PALM2AKAP2: variants seen among roughly 807,000 people sequenced by gnomAD.
The protein encoded by PALM2AKAP2 is PALM2-AKAP2 fusion protein.
A neutral mutation model predicts 71.5 loss-of-function variants in PALM2AKAP2; 37 were observed. The observed-to-expected ratio is 0.52, with a 90% CI of 0.40 to 0.68. The LOEUF is 0.68. Among genes scored for constraint, PALM2AKAP2 ranks in the 30% least tolerant of loss-of-function variants. PALM2AKAP2 has a pLI of 0.00. For synonymous variants in PALM2AKAP2, 468 were observed against 478.8 expected, an observed-to-expected ratio of 0.98 and a Z score of 0.29; for missense variants, 1,224 against 1,191.8, an observed-to-expected ratio of 1.03 and a Z score of -0.40.
chr9:110,149,956 C>CCCGCCTGGTCT, intron 2 of PALM2AKAP2, among the ~76,000 whole-genome samples: 12 of 152,190 alleles, frequency 7.9e-5, no homozygotes, highest in African/African-American at 2.9e-4. Flanking sequence ...AGGATTGAGA[C>CCCGCCTGGTCT]CAGCCTGGTC....
intron 1 of PALM2AKAP2, among the ~76,000 whole-genome samples, chr9:109,658,466 A>C (rs374662493): frequency 2.7e-4 from 41 of 152,336 alleles, no homozygotes; most frequent in African/African-American, 8.9e-4. Flanking sequence ...TCTCAAGGGA[A>C]TTTAGGAATA....
At chr9:110,079,007 A>G (rs76651114) in intron 1 of PALM2AKAP2, among the ~76,000 whole-genome samples, 2,024 of 152,314 alleles carry the variant, frequency 0.013, 37 homozygotes, top group African/African-American at 0.047. Context: ...GGGCCGTTCA[A>G]CCTTGGCTGA....
chr9:110,135,632 C>T (rs1416039396), intron 1 of PALM2AKAP2, among the ~76,000 whole-genome samples: 1 of 152,154 alleles, frequency 6.6e-6, no homozygotes, highest in African/African-American at 2.4e-5. Context: ...GCACTGTAGC[C>T]TGTGTGCTGC....
intron 1 of PALM2AKAP2, among the ~76,000 whole-genome samples, chr9:109,670,634 C>A (rs1287788625): frequency 6.6e-6 from 1 of 152,076 alleles, no homozygotes; most frequent in Non-Finnish European, 1.5e-5. Context: ...GGCATATATT[C>A]AGTAATGGGA....
At chr9:109,770,173 A>G (rs753057367) in intron 1 of PALM2AKAP2, among the ~76,000 whole-genome samples, 5 of 151,410 alleles carry the variant, frequency 3.3e-5, no homozygotes, top group Non-Finnish European at 7.4e-5. Flanking sequence ...GTGCTCTTCC[A>G]TTCATACCCA....
At chr9:109,677,914 G>A (rs1827671366) in intron 1 of PALM2AKAP2, among the ~76,000 whole-genome samples, 3 of 152,168 alleles carry the variant, frequency 2.0e-5, no homozygotes, top group Non-Finnish European at 4.4e-5. Flanking sequence ...GGGAAATTAA[G>A]TTTGGGAATA....
At chr9:109,650,182 C>A (rs1003693924) in intron 1 of PALM2AKAP2, among the ~76,000 whole-genome samples, 2 of 152,044 alleles carry the variant, frequency 1.3e-5, no homozygotes, top group Admixed American at 6.5e-5. Flanking sequence ...CCCCTTCACA[C>A]AGATGTCCCC....
intron 1 of PALM2AKAP2, among the ~76,000 whole-genome samples, chr9:109,730,615 T>C (rs1828543811): frequency 6.6e-6 from 1 of 152,212 alleles, no homozygotes; most frequent in Non-Finnish European, 1.5e-5. Flanking sequence ...ACAGTTTGGA[T>C]TTGGCTTAAG....
intron 6 of PALM2AKAP2, among the ~76,000 whole-genome samples, chr9:110,005,815 C>A (rs550095266): frequency 4.5e-4 from 68 of 152,248 alleles, no homozygotes; most frequent in African/African-American, 1.6e-3. Context: ...GGGTGTGGGA[C>A]CCTCTGAGCC....
intron 1 of PALM2AKAP2, among the ~76,000 whole-genome samples, chr9:109,718,052 A>G (rs1828352539): frequency 6.6e-6 from 1 of 152,104 alleles, no homozygotes; most frequent in African/African-American, 2.4e-5. Context: ...CTATACCTTC[A>G]GTTACCTTAT....
intron 1 of PALM2AKAP2, among the ~76,000 whole-genome samples, chr9:110,076,558 C>T (rs1834330514): frequency 7.0e-6 from 1 of 142,410 alleles, no homozygotes; most frequent in Admixed American, 7.1e-5. Flanking sequence ...ATGAAACTGG[C>T]AAGAATAAAA....
At chr9:109,663,167 G>A (rs541799583) in intron 1 of PALM2AKAP2, among the ~76,000 whole-genome samples, 1 of 152,114 alleles carries the variant, frequency 6.6e-6, no homozygotes, top group Non-Finnish European at 1.5e-5. Flanking sequence ...TTTTTGAAAG[G>A]TTTTTTGTGT....
At chr9:109,798,132 A>G (rs958171267) in intron 1 of PALM2AKAP2, among the ~76,000 whole-genome samples, 2 of 152,146 alleles carry the variant, frequency 1.3e-5, no homozygotes, top group Non-Finnish European at 2.9e-5. Context: ...GTCTCTTCAC[A>G]TCATCTTCTT....
intron 7 of PALM2AKAP2, among the ~76,000 whole-genome samples, chr9:110,040,082 T>C (rs1833485098): frequency 6.6e-6 from 1 of 151,958 alleles, no homozygotes; most frequent in African/African-American, 2.4e-5. Flanking sequence ...GAGAGGGAGC[T>C]ATAAAGAAGG....
intron 1 of PALM2AKAP2, among the ~76,000 whole-genome samples, chr9:109,793,296 C>G (rs1015326201): frequency 4.6e-5 from 7 of 152,184 alleles, no homozygotes; most frequent in African/African-American, 1.7e-4. Context: ...TACCCTTTTT[C>G]TCTGGCCTGA....
At chr9:109,831,638 A>C (rs1396399503) in intron 1 of PALM2AKAP2, among the ~76,000 whole-genome samples, 1 of 152,230 alleles carries the variant, frequency 6.6e-6, no homozygotes, top group Admixed American at 6.5e-5. Context: ...CAGTCAGAGT[A>C]GCAGAATAAG....
chr9:110,117,599 G>T (rs1373125786), intron 1 of PALM2AKAP2, among the ~76,000 whole-genome samples: 2 of 152,120 alleles, frequency 1.3e-5, no homozygotes, highest in Admixed American at 6.5e-5. Flanking sequence ...ATAGAGATTT[G>T]GTTCTTACAT....
intron 6 of PALM2AKAP2, chr9:109,943,471 C>G (rs374503564): frequency 1.3e-5 from 20 of 1,550,782 alleles, no homozygotes; most frequent in Admixed American, 1.9e-5. Flanking sequence ...TACTCTCCAC[C>G]ACTCACGTAG....
At chr9:109,774,315 G>A (rs1318246417) in intron 1 of PALM2AKAP2, among the ~76,000 whole-genome samples, 3 of 152,182 alleles carry the variant, frequency 2.0e-5, no homozygotes, top group South Asian at 4.1e-4. Context: ...TTTCTAGTTT[G>A]TAGCTAATTC....
Sources: allele counts gnomAD v4.1 joint callset (sites outside exome capture counted in the v4.1 genomes callset), GRCh38; gene constraint gnomAD v4.1.1; transcripts MANE v1.5; gene names NCBI Gene and HGNC (gene_info 2026-07-23, HGNC 2026-07-21).